SEMA3A: variants seen among roughly 807,000 people sequenced by gnomAD.
SEMA3A encodes semaphorin 3A.
Under a neutral mutation model 97.9 loss-of-function variants are expected in SEMA3A, and 29 were observed. The observed-to-expected ratio is 0.30, with a 90% CI of 0.22 to 0.40. SEMA3A has a LOEUF of 0.40. Ranked by LOEUF, SEMA3A falls within the 10% of genes least tolerant of loss-of-function variation. SEMA3A has a pLI of 1.00. For missense variants in SEMA3A, 763 were observed against 951.3 expected (o/e 0.80, Z 2.60); for synonymous variants, 321 against 323.7 (o/e 0.99, Z 0.09).
intron 1 of SEMA3A, among the ~76,000 whole-genome samples, chr7:84,467,820 A>T (rs1196886656): frequency 6.6e-6 from 1 of 152,144 alleles, no homozygotes; most frequent in African/African-American, 2.4e-5. Flanking sequence ...GTTCAAGACA[A>T]CTTTCTTAAC....
chr7:84,285,444 T>C (rs1341551807), intron 3 of SEMA3A, among the ~76,000 whole-genome samples: 4 of 152,204 alleles, frequency 2.6e-5, no homozygotes, highest in African/African-American at 9.6e-5. Context: ...GTTATGGCAG[T>C]AGGAATTAAT....
intron 6 of SEMA3A, among the ~76,000 whole-genome samples, chr7:84,039,868 A>G (rs1792072352): frequency 1.3e-5 from 2 of 152,104 alleles, no homozygotes; most frequent in Non-Finnish European, 2.9e-5. Context: ...ATTTCTAGGT[A>G]TAATTATCTA....
chr7:84,228,758 G>T (rs2116351179), intron 3 of SEMA3A, among the ~76,000 whole-genome samples: 2 of 152,198 alleles, frequency 1.3e-5, no homozygotes, highest in East Asian at 3.9e-4. Flanking sequence ...CTCCCTGCAG[G>T]ATTTCATGGG....
At chr7:84,144,248 A>T (rs1796401237) in intron 1 of SEMA3A, among the ~76,000 whole-genome samples, 1 of 152,052 alleles carries the variant, frequency 6.6e-6, no homozygotes, top group South Asian at 2.1e-4. Flanking sequence ...AACAACAAAA[A>T]TCATAGGCTG....
At chr7:84,219,594 C>T (rs568296165) in intron 3 of SEMA3A, among the ~76,000 whole-genome samples, 23 of 152,212 alleles carry the variant, frequency 1.5e-4, no homozygotes, top group South Asian at 4.1e-4. Flanking sequence ...AACTATACTG[C>T]GGTCTATTAA....
chr7:84,068,282 G>A (rs1214593481), intron 4 of SEMA3A, among the ~76,000 whole-genome samples: 1 of 145,480 alleles, frequency 6.9e-6, no homozygotes, highest in Non-Finnish European at 1.5e-5. Context: ...GTGGGGTGGG[G>A]TGAGGGGGGA....
chr7:84,219,999 C>T (rs1798840224), intron 3 of SEMA3A, among the ~76,000 whole-genome samples: 1 of 152,134 alleles, frequency 6.6e-6, no homozygotes, highest in South Asian at 2.1e-4. Flanking sequence ...CATTGTCTCT[C>T]CCTTTCATGA....
Position 84,385,191 on chromosome 7 carries a change from G to A in SEMA3A, c.-245-13291C>T, listed in dbSNP as rs192944771. Reference sequence around the variant, plus strand: ...ATGTAGAAGTCACTAGTCCATAGACGTTTTGGTTCTAGCAAGGAGGCATTG... The same window carrying A: ...ATGTAGAAGTCACTAGTCCATAGACATTTTGGTTCTAGCAAGGAGGCATTG... On this transcript the variant is annotated intron_variant, in intron 1 of 3. Coordinates refer to the SEMA3A transcript ENST00000424555. Among the ~76,000 whole-genome samples the A allele has an allele frequency of 9.3e-4, 141 of 152,142 alleles. 1 individual carries two copies. Among genetic ancestry groups the A allele is most frequent in the African/African-American group, 3.0e-3 (126 of 41,524 alleles).
chr7:84,247,711 C>G (rs955140578), intron 3 of SEMA3A, among the ~76,000 whole-genome samples: 1 of 152,142 alleles, frequency 6.6e-6, no homozygotes, highest in African/African-American at 2.4e-5. Context: ...CTGGAGAGTG[C>G]GTAAACCATA....
intron 2 of SEMA3A, among the ~76,000 whole-genome samples, chr7:84,334,458 A>G (rs1801987222): frequency 6.6e-6 from 1 of 152,142 alleles, no homozygotes. Flanking sequence ...TAAATAAGAA[A>G]AATATTTTAT....
chr7:84,336,144 C>CTG (rs1285757649), intron 2 of SEMA3A, among the ~76,000 whole-genome samples: 8 of 152,220 alleles, frequency 5.3e-5, no homozygotes, highest in African/African-American at 1.9e-4. Flanking sequence ...AAGCAGGCAA[C>CTG]TGTCACATTT....
At chr7:84,287,774 A>G (rs1239892001) in intron 3 of SEMA3A, among the ~76,000 whole-genome samples, 1 of 152,180 alleles carries the variant, frequency 6.6e-6, no homozygotes, top group Non-Finnish European at 1.5e-5. Context: ...TTCGTTTACA[A>G]CTGATTTACC....
At chr7:84,187,448 G>T (rs34445481) in intron 1 of SEMA3A, among the ~76,000 whole-genome samples, 9,565 of 152,070 alleles carry the variant, frequency 0.063, 349 homozygotes, top group African/African-American at 0.092. Flanking sequence ...GATTCCTAGA[G>T]CCTTCCAACA....
At chr7:84,173,919 T>A (rs1217658126) in intron 1 of SEMA3A, among the ~76,000 whole-genome samples, 1 of 152,144 alleles carries the variant, frequency 6.6e-6, no homozygotes, top group Non-Finnish European at 1.5e-5. Flanking sequence ...GGGACCTAGG[T>A]TGCATGCTCC....
chr7:84,076,677 G>T (rs536340842), intron 4 of SEMA3A, among the ~76,000 whole-genome samples: 1 of 152,196 alleles, frequency 6.6e-6, no homozygotes, highest in Admixed American at 6.5e-5. Flanking sequence ...AAGGTAAATA[G>T]AATGAATTAA....
At chr7:84,428,565 T>A (rs1804886901) in intron 1 of SEMA3A, among the ~76,000 whole-genome samples, 2 of 152,066 alleles carry the variant, frequency 1.3e-5, no homozygotes, top group South Asian at 4.1e-4. Context: ...TATTGTCCTA[T>A]TTGAGAATTT....
chr7:83,963,590 G>A (rs1336838129), intron 15 of SEMA3A, among the ~76,000 whole-genome samples: 2 of 152,052 alleles, frequency 1.3e-5, no homozygotes, highest in Non-Finnish European at 2.9e-5. Context: ...CCAGAAAATG[G>A]CATTACATTT....
At chr7:84,015,112 T>C (rs1055279823) in intron 6 of SEMA3A, among the ~76,000 whole-genome samples, 6 of 152,186 alleles carry the variant, frequency 3.9e-5, no homozygotes, top group Admixed American at 6.5e-5. Context: ...TTCTCCAAAC[T>C]CTCAATTGGA....
chr7:84,179,321 C>T (rs1383292781), intron 1 of SEMA3A, among the ~76,000 whole-genome samples: 1 of 152,092 alleles, frequency 6.6e-6, no homozygotes, highest in Non-Finnish European at 1.5e-5. Flanking sequence ...CACTCCATTC[C>T]GTATGAGGTT....
Sources: gnomAD v4.1 joint callset for allele counts (sites outside exome capture counted in the v4.1 genomes callset) on GRCh38, gnomAD v4.1.1 for gene constraint, MANE v1.5 for transcripts, NCBI Gene and HGNC (gene_info 2026-07-23, HGNC 2026-07-21) for gene names.